The following MTUS1 variants were observed in gnomAD, a reference collection of about 807,000 sequenced individuals.
MTUS1 encodes the protein microtubule-associated tumor suppressor 1.
Under a neutral mutation model 120.8 loss-of-function variants are expected in MTUS1, and 109 were observed. The ratio of observed to expected loss-of-function variants is 0.90; its 90% CI spans 0.77 to 1.06. MTUS1 has a LOEUF of 1.06. Among genes scored for constraint, MTUS1 ranks in the 50% least tolerant of loss-of-function variants. MTUS1 has a pLI of 0.00. For synonymous variants in MTUS1, 737 were observed against 550.5 expected, an observed-to-expected ratio of 1.34 and a Z score of -4.74; for missense variants, 2,210 against 1,486.3, an observed-to-expected ratio of 1.49 and a Z score of -8.01.
chr8:17,666,341 C>T (rs1310827248), intron 8 of MTUS1, among the ~76,000 whole-genome samples: 3 of 151,538 alleles, frequency 2.0e-5, no homozygotes, highest in Admixed American at 1.3e-4. Context: ...CTTCTCCTCA[C>T]TGACGGATCA....
At chr8:17,649,702 AG>A (rs1169071993) in intron 13 of MTUS1, 143 bp downstream of exon 13, 1 of 630,628 alleles carries the variant, frequency 1.6e-6, no homozygotes, top group East Asian at 2.6e-5. Context: ...AAACTTGGAA[AG>A]AAAATGTGAA....
intron 6 of MTUS1, chr8:17,705,759 C>G (rs1820032381): frequency 6.6e-6 from 1 of 152,206 alleles, no homozygotes; most frequent in Non-Finnish European, 1.5e-5. Context: ...CCTGTGATGT[C>G]TTTACTAAGT....
At chr8:17,740,837 TCA>T (rs1465221055) in intron 3 of MTUS1, among the ~76,000 whole-genome samples, 1 of 152,174 alleles carries the variant, frequency 6.6e-6, no homozygotes, top group East Asian at 1.9e-4. Flanking sequence ...TCATTCTACC[TCA>T]CATACTGAGG....
intron 1 of MTUS1, among the ~76,000 whole-genome samples, chr8:17,771,033 T>A (rs1183770248): frequency 6.6e-6 from 1 of 152,198 alleles, no homozygotes; most frequent in African/African-American, 2.4e-5. Flanking sequence ...GCATCTATAA[T>A]ATAATTGGAA....
At chr8:17,710,987 CTT>C (rs1272564725) in intron 6 of MTUS1, among the ~76,000 whole-genome samples, 1 of 152,166 alleles carries the variant, frequency 6.6e-6, no homozygotes, top group Non-Finnish European at 1.5e-5. Context: ...AAAGACATCT[CTT>C]GAGTTGTAGG....
At chr8:17,653,644 G>GC (rs1807549525) in intron 10 of MTUS1, 146 bp from the exon 11 acceptor site, 1 of 616,250 alleles carries the variant, frequency 1.6e-6, no homozygotes, top group South Asian at 2.2e-5. Flanking sequence ...ATGTAAATTG[G>GC]CCATCTGTTC....
intron 6 of MTUS1, among the ~76,000 whole-genome samples, chr8:17,689,320 T>C (rs544228569): frequency 3.8e-4 from 58 of 152,322 alleles, no homozygotes; most frequent in South Asian, 1.7e-3. Context: ...CATTACTATA[T>C]TGGTAGAATT....
intron 7 of MTUS1, chr8:17,676,584 TATGAAA>T: frequency 1.8e-6 from 1 of 547,458 alleles, no homozygotes; most frequent in East Asian, 2.9e-5. Flanking sequence ...GCCTTTCATT[TATGAAA>T]AACGAGAGGC....
At chr8:17,703,355 C>T (rs62499698) in intron 6 of MTUS1, among the ~76,000 whole-genome samples, 29 of 152,172 alleles carry the variant, frequency 1.9e-4, no homozygotes, top group Admixed American at 3.3e-4. Flanking sequence ...ATAGCTTGGC[C>T]GGGTGCGGTG....
chr8:17,786,312 G>A (rs1167336073), intron 1 of MTUS1, among the ~76,000 whole-genome samples: 2 of 152,104 alleles, frequency 1.3e-5, no homozygotes, highest in Non-Finnish European at 2.9e-5. Context: ...GGTCTGGAAG[G>A]CAGTGCCTGG....
rs753621047 is a variant in MTUS1 at position 17,755,454 on chromosome 8, T to C, written c.354A>G (p.Gln118=). ...CTGCTTCTAGGGAATGACAACTGTG[T>C]TGCAGATATTTGGGCTTCTCAGTAC... ...LVGTEKPKYL[Q]HSCHSLEAVE... Residue 118 remains glutamine, a synonymous_variant, in exon 2 of 15, where the codon CAA becomes CAG. Transcript: ENST00000693296. The C allele has an allele frequency of 2.3e-5, 37 of 1,614,222 alleles. No individual in the cohort carries two copies. Among genetic ancestry groups the C allele is most frequent in the Non-Finnish European group, 2.9e-5 (34 of 1,180,036 alleles).
At position 17,710,209 on chromosome 8, in the gene MTUS1, C is replaced by T. The variant is rs1013609611; in HGVS notation, c.2623+3005G>A. Among the ~76,000 whole-genome samples, 40 of 152,010 alleles carry T rather than the reference C, an allele frequency of 2.6e-4. 1 individual carries two copies. Among genetic ancestry groups the T allele is most frequent in the Admixed American group, 2.2e-3 (33 of 15,260 alleles). The stretch of plus-strand genomic sequence containing the variant: ...TAAAGTAAGACAGCAATGAAGTTTG[C>T]GACATCAATTGACTCTTTCATGAAA... On this transcript the variant is annotated intron_variant, in intron 6 of 14. Transcript: ENST00000693296.
intron 8 of MTUS1, among the ~76,000 whole-genome samples, chr8:17,673,173 A>C (rs1031264509): frequency 2.0e-5 from 3 of 152,230 alleles, no homozygotes; most frequent in African/African-American, 7.2e-5. Flanking sequence ...TTAGGTAATC[A>C]TAAGGGCTGC....
At chr8:17,649,821 C>A (rs200873289) in intron 13 of MTUS1, 25 bp downstream of exon 13, 90 of 1,289,844 alleles carry the variant, frequency 7.0e-5, no homozygotes, top group Non-Finnish European at 9.8e-5. Context: ...TTGTAAGATC[C>A]TCTTTCATTC....
intron 1 of MTUS1, among the ~76,000 whole-genome samples, chr8:17,789,784 C>A (rs1178966634): frequency 6.6e-6 from 1 of 152,152 alleles, no homozygotes. Context: ...GATAGCCAAC[C>A]TCCAACCAGG....
At chr8:17,729,290 T>C (rs1036482214) in intron 3 of MTUS1, among the ~76,000 whole-genome samples, 3 of 152,232 alleles carry the variant, frequency 2.0e-5, no homozygotes, top group Admixed American at 1.3e-4. Flanking sequence ...AAACCGTGGC[T>C]GCAGGTCCAC....
Position 17,754,674 on chromosome 8 carries a change from T to A in MTUS1, c.1134A>T (p.Gln378His). Residue 378 changes from glutamine (Q) to histidine (H), a missense_variant, in exon 2 of 15, where the codon CAA becomes CAT. Transcript: ENST00000693296. ...EHKVTETEDT[Q>H]MVSKGKDLGT... Reference sequence around the variant, plus strand: ...CCAAATCCTTTCCTTTGGAGACCATTTGTGTGTCTTCAGTCTCAGTGACTT... The same window carrying A: ...CCAAATCCTTTCCTTTGGAGACCATATGTGTGTCTTCAGTCTCAGTGACTT... 1 of 1,614,198 alleles carries A rather than the reference T, an allele frequency of 6.2e-7. No homozygotes were observed. The highest frequency in any genetic ancestry group is 8.5e-7 in the Non-Finnish European group (1 of 1,180,024).
At chr8:17,700,649 A>G (rs2130908519) in intron 6 of MTUS1, among the ~76,000 whole-genome samples, 1 of 151,858 alleles carries the variant, frequency 6.6e-6, no homozygotes, top group East Asian at 1.9e-4. Flanking sequence ...AAGAGGGAGG[A>G]TTTCTATTTT....
chr8:17,761,680 G>C (rs2049048034), intron 1 of MTUS1, among the ~76,000 whole-genome samples: 1 of 152,120 alleles, frequency 6.6e-6, no homozygotes, highest in South Asian at 2.1e-4. Flanking sequence ...GTTTCCAAAA[G>C]TAAAACATAA....
Sources: allele counts gnomAD v4.1 joint callset (sites outside exome capture counted in the v4.1 genomes callset), GRCh38; gene constraint gnomAD v4.1.1; transcripts MANE v1.5; gene names NCBI Gene and HGNC (gene_info 2026-07-23, HGNC 2026-07-21).